The following COL16A1 variants were observed in gnomAD, a reference collection of about 807,000 sequenced individuals.
COL16A1 encodes the protein collagen type XVI alpha 1 chain.
Under a neutral mutation model 266.3 loss-of-function variants are expected in COL16A1, and 189 were observed. The ratio of observed to expected loss-of-function variants is 0.71; its 90% CI spans 0.63 to 0.80. The LOEUF (loss-of-function observed/expected upper bound fraction) is 0.80, where lower values mean the gene tolerates loss of function less well. COL16A1 is among the 30% of genes least tolerant of loss of function. The pLI, the probability that COL16A1 is intolerant of heterozygous loss-of-function variation, is 0.00. For missense variants in COL16A1, 1,928 were observed against 2,122.4 expected (o/e 0.91, Z 1.80); for synonymous variants, 740 against 782.3 (o/e 0.95, Z 0.90).
Position 31,655,485 on chromosome 1 carries a change from T to G in COL16A1, c.4119A>C (p.Ala1373=), listed in dbSNP as rs1641052562. ...PPGPKGDPGA[A]GQKGQAGEKG... ...TCTCTCCTGCCTGGCCCTTCTGTCCTGCAGCTCCTGGATCACCCTACAAAG... is the reference window on the plus strand; with the variant it reads ...TCTCTCCTGCCTGGCCCTTCTGTCCGGCAGCTCCTGGATCACCCTACAAAG... Residue 1373 remains alanine (A), a synonymous_variant, in exon 67 of 71, where the codon GCA becomes GCC. Coordinates refer to ENST00000373672, the MANE Select transcript of COL16A1 (RefSeq NM_001856.4). The G allele has an allele frequency of 6.2e-7, 1 of 1,613,940 alleles. No individual in the cohort carries two copies. Among genetic ancestry groups the G allele is most frequent in the African/African-American group, 1.3e-5 (1 of 74,920 alleles).
Position 31,700,057 on chromosome 1 carries a change from C to T in COL16A1, c.132G>A (p.Leu44=), listed in dbSNP as rs758436492. 3 of 1,614,036 alleles carry T rather than the reference C, an allele frequency of 1.9e-6. No individual in the cohort carries two copies. Among genetic ancestry groups the T allele is most frequent in the South Asian group, 2.2e-5 (2 of 91,086 alleles). ...GGTGCTCACCAGTCACGTTGGCTGGCAGGCTACTACTGTGTTCCAATTTGA... is the reference window on the plus strand; with the variant it reads ...GGTGCTCACCAGTCACGTTGGCTGGTAGGCTACTACTGTGTTCCAATTTGA... The part of the protein sequence containing the change: ...EGLKLEHSSS[L]PANVTGFNLI... The change falls in exon 3 of 71, where the codon CTG becomes CTA. Residue 44 remains leucine (L), a synonymous_variant. Transcript: ENST00000373672.
At chr1:31,662,037 C>T (rs1372204279) in intron 58 of COL16A1, among the ~76,000 whole-genome samples, 1 of 152,178 alleles carries the variant, frequency 6.6e-6, no homozygotes, top group African/African-American at 2.4e-5. Flanking sequence ...CTTCCTGAAG[C>T]CCAGCCTGGT....
At chr1:31,696,520 G>A (rs1024489841) in intron 8 of COL16A1, among the ~76,000 whole-genome samples, 1 of 152,246 alleles carries the variant, frequency 6.6e-6, no homozygotes, top group Non-Finnish European at 1.5e-5. Context: ...GCTGGCCATG[G>A]TGCTGGGTGT....
chr1:31,691,343 C>A, intron 19 of COL16A1, 74 bp downstream of exon 19: 1 of 1,581,134 alleles, frequency 6.3e-7, no homozygotes, highest in Non-Finnish European at 8.6e-7. Context: ...TATCTTCCCC[C>A]CGTTCATTCC....
chr1:31,666,050 G>A lies in COL16A1; in HGVS notation c.3389C>T (p.Pro1130Leu), dbSNP rs1353169974. 7 of 1,613,036 alleles carry A rather than the reference G, an allele frequency of 4.3e-6. No individual in the cohort carries two copies. The highest frequency in any genetic ancestry group is 5.1e-6 in the Non-Finnish European group (6 of 1,179,724). Residue 1130 changes from proline to leucine, a missense_variant, in exon 53 of 71, where the codon CCC becomes CTC. Physicochemically the swap from Pro to Leu is moderately conservative, Grantham distance 98. This residue lies in a region of COL16A1 where 1,552 missense variants were observed against 1,637.2 expected (regional missense o/e 0.95). Coordinates refer to ENST00000373672, the MANE Select transcript of COL16A1 (RefSeq NM_001856.4). Reference protein sequence around the residue: ...GPPGSEGLPGPPGPAGPRGER... With the variant: ...GPPGSEGLPGLPGPAGPRGER... The stretch of plus-strand genomic sequence containing the variant: ...TCCTTCACTCACCGCTGGGCCTGGG[G>A]GGCCTGGGAGGCCTTCAGATCCTGG...
Position 31,697,788 on chromosome 1 carries a change from C to T in COL16A1, c.657+118G>A, listed in dbSNP as rs1280640549. On this transcript the variant is annotated intron_variant, in intron 6 of 70. Coordinates refer to ENST00000373672, the MANE Select transcript of COL16A1 (RefSeq NM_001856.4). This position sits in a 1 kb window ranked among gnomAD's most constrained non-coding sequence, Gnocchi z 4.2. Reference sequence around the variant, plus strand: ...TGTTTAGGCTGCATTTGGAGGGCAACAGGAAAGCAGGGGAAGATTCTAAGC... The same window carrying T: ...TGTTTAGGCTGCATTTGGAGGGCAATAGGAAAGCAGGGGAAGATTCTAAGC... The T allele has an allele frequency of 1.6e-6, 2 of 1,269,832 alleles. No homozygotes were observed. Among genetic ancestry groups the T allele is most frequent in the African/African-American group, 1.5e-5 (1 of 67,052 alleles). 78.7% of individuals were successfully genotyped at this position (1,269,832 alleles called of 1,614,324 possible). A position where few individuals can be genotyped will look rare whatever the true frequency, so the allele number is the denominator to read the frequency against.
Position 31,698,537 on chromosome 1 carries a change from G to T in COL16A1, c.336C>A (p.Thr112=), listed in dbSNP as rs770633606. The T allele has an allele frequency of 2.5e-6, 4 of 1,614,006 alleles. No individual in the cohort carries two copies. The highest frequency in any genetic ancestry group is 3.4e-6 in the Non-Finnish European group (4 of 1,180,038). The change falls in exon 5 of 71, where the codon ACC becomes ACA. Residue 112 remains threonine (T), a synonymous_variant. Coordinates refer to ENST00000373672, the MANE Select transcript of COL16A1 (RefSeq NM_001856.4). The surrounding 1 kb of genome is among the most constrained non-coding windows in gnomAD (Gnocchi z 4.1). ...GAAACAGATACCACGTCTTCTGGTG[G>T]GTGTGTTTCTTCAGCAGTAGTGTCA... is the stretch of plus-strand genomic sequence containing the variant. The part of the protein sequence containing the change: ...LVLTLLLKKH[T]HQKTWYLFQV...
Position 31,682,951 on chromosome 1 carries a change from T to C in COL16A1, c.2521A>G (p.Ser841Gly), listed in dbSNP as rs774050669. Residue 841 changes from serine to glycine, a missense_variant, in exon 37 of 71, where the codon AGT becomes GGT. Ser to Gly is a moderately conservative substitution (Grantham distance 56). This residue lies in a region of COL16A1 where 1,552 missense variants were observed against 1,637.2 expected (regional missense o/e 0.95). Transcript: ENST00000373672. Reference protein sequence around the residue: ...ATGPVGPPGASVSGPPGRDGQ... With the variant: ...ATGPVGPPGAGVSGPPGRDGQ... ...AGACTTACCGGAGGCCCAGAGACAC[T>C]GGCCCCAGGAGGTCCCACAGGTCCG... is the stretch of plus-strand genomic sequence containing the variant. 10 of 1,613,940 alleles carry C rather than the reference T, an allele frequency of 6.2e-6. No individual in the cohort carries two copies. In the East Asian group the frequency reaches 1.6e-4, roughly 25 times the overall value.
At chr1:31,689,412 T>A (rs1644151342) in intron 23 of COL16A1, 1 of 563,156 alleles carries the variant, frequency 1.8e-6, no homozygotes, top group Non-Finnish European at 3.2e-6. Flanking sequence ...GCTCACTCCT[T>A]TCCTCCACCC....
intron 64 of COL16A1, 127 bp downstream of exon 64, chr1:31,658,361 C>T: frequency 1.2e-6 from 1 of 829,028 alleles, no homozygotes; most frequent in Middle Eastern, 2.2e-4. Context: ...GAACGCCACG[C>T]TGCCATCCTG....
At chr1:31,691,870 G>T (rs1293234877) in intron 17 of COL16A1, 135 bp downstream of exon 17, 3 of 1,427,488 alleles carry the variant, frequency 2.1e-6, no homozygotes, top group East Asian at 2.3e-5. Context: ...TCCCCTTCTT[G>T]CTGTGCCTCC....
At chr1:31,667,737 A>T in intron 51 of COL16A1, 109 bp from the exon 52 acceptor site, 1 of 1,109,010 alleles carries the variant, frequency 9.0e-7, no homozygotes, top group African/African-American at 1.6e-5. Context: ...CTCTGGGGGA[A>T]TGGCACTGGG....
chr1:31,683,820 C>G (rs1643825886), intron 33 of COL16A1, 72 bp from the exon 34 acceptor site: 1 of 1,610,770 alleles, frequency 6.2e-7, no homozygotes, highest in East Asian at 2.2e-5. Context: ...CCAGCCCCTT[C>G]TCCTCCAGCT....
intron 64 of COL16A1, 46 bp downstream of exon 64, chr1:31,658,442 A>G (rs1467476828): frequency 1.3e-6 from 2 of 1,496,612 alleles, no homozygotes; most frequent in South Asian, 2.4e-5. Context: ...CCTTGAGCCA[A>G]TTGACTCTTT....
At position 31,684,146 on chromosome 1, in the gene COL16A1, T is replaced by C; in HGVS notation, c.2246A>G (p.Glu749Gly). ...TCGGCCCACGCCTTCGGGGCCCTGC[T>C]CTCCTTTGGGGCCGGGCTGCCCAGG... ...GRPGQPGPKG[E>G]QGPEGVGRPG... The change falls in exon 32 of 71, where the codon GAG becomes GGG. Residue 749 changes from glutamate to glycine, a missense_variant. Physicochemically the swap from Glu to Gly is moderately conservative, Grantham distance 98. Coordinates refer to ENST00000373672, the MANE Select transcript of COL16A1 (RefSeq NM_001856.4). 6.4e-7 allele frequency: 1 copy of C among 1,554,472 alleles called. No individual in the cohort carries two copies. The highest frequency in any genetic ancestry group is 8.7e-7 in the Non-Finnish European group (1 of 1,148,652).
intron 63 of COL16A1, 150 bp downstream of exon 63, chr1:31,658,764 C>T (rs568860281): frequency 6.6e-5 from 74 of 1,117,196 alleles, no homozygotes; most frequent in Non-Finnish European, 7.8e-5. Context: ...TCCTGGAAGG[C>T]GAGATCTTTG....
chr1:31,689,075 C>T lies in COL16A1; in HGVS notation c.1631G>A (p.Gly544Asp). 1.9e-6 allele frequency: 3 copies of T among 1,613,816 alleles called. No homozygotes were observed. The highest frequency in any genetic ancestry group is 2.5e-6 in the Non-Finnish European group (3 of 1,179,996). Residue 544 changes from glycine to aspartate, a missense_variant, in exon 24 of 71, where the codon GGC becomes GAC. Gly to Asp is a moderately conservative substitution (Grantham distance 94). This residue lies in a region of COL16A1 where 1,552 missense variants were observed against 1,637.2 expected (regional missense o/e 0.95). Transcript: ENST00000373672. Reference sequence around the variant, plus strand: ...CTTCTCTCCTTTGATGCCTTGGATGCCAGGGTCTCCCTGCAGGGTAAAAAG... The same window carrying T: ...CTTCTCTCCTTTGATGCCTTGGATGTCAGGGTCTCCCTGCAGGGTAAAAAG... Reference protein sequence around the residue: ...GDPVPARGDPGIQGIKGEKGE... With the variant: ...GDPVPARGDPDIQGIKGEKGE...
intron 42 of COL16A1, among the ~76,000 whole-genome samples, chr1:31,678,521 TC>T (rs1241818102): frequency 6.6e-6 from 1 of 152,214 alleles, no homozygotes; most frequent in Non-Finnish European, 1.5e-5. Flanking sequence ...CCTCAGCTTG[TC>T]CAGCTGTGAC....
rs991787222 is a variant in COL16A1, at chr1:31,658,710, G to C, written c.3931-133C>G. On this transcript the variant is annotated intron_variant, in intron 63 of 70. Coordinates refer to ENST00000373672, the MANE Select transcript of COL16A1 (RefSeq NM_001856.4). ...GTGGCACTGCCTGAACTTGCAGCAG[G>C]ACTCTGAGATGACCTCCAGCCCTCT... 3.4e-5 allele frequency: 35 copies of C among 1,041,840 alleles called. 1 individual carries two copies. The Admixed American group carries it at 7.4e-4, about 22-fold the overall frequency. 64.5% of individuals were successfully genotyped at this position (1,041,840 alleles called of 1,614,324 possible).
Sources: gnomAD v4.1 joint callset for allele counts (sites outside exome capture counted in the v4.1 genomes callset) on GRCh38, gnomAD v4.1.1 for gene constraint, gnomAD v4.1.1 regional missense constraint, Gnocchi (gnomAD v3.1) non-coding constraint, MANE v1.5 for transcripts, NCBI Gene and HGNC (gene_info 2026-07-23, HGNC 2026-07-21) for gene names.